The following POSTN variants were observed in gnomAD, a reference collection of about 807,000 sequenced individuals.
The protein encoded by POSTN is periostin.
Under a neutral mutation model 104.5 loss-of-function variants are expected in POSTN, and 71 were observed. The observed-to-expected ratio is 0.68, with a 90% CI of 0.56 to 0.83. POSTN has a LOEUF of 0.83. POSTN is among the 40% of genes least tolerant of loss of function. The pLI, the probability that POSTN is intolerant of heterozygous loss-of-function variation, is 0.00. For synonymous variants in POSTN, 355 were observed against 340.7 expected, an observed-to-expected ratio of 1.04 and a Z score of -0.46; for missense variants, 949 against 1,006.8, an observed-to-expected ratio of 0.94 and a Z score of 0.78.
intron 3 of POSTN, among the ~76,000 whole-genome samples, chr13:37,591,351 A>G (rs889229514): frequency 1.3e-5 from 2 of 152,192 alleles, no homozygotes; most frequent in Non-Finnish European, 2.9e-5. Flanking sequence ...TAATGATGTA[A>G]CATGGTTACC....
At position 37,580,577 on chromosome 13, in the gene POSTN, G is replaced by A; in HGVS notation, c.1513C>T (p.Gln505Ter). 1 of 1,614,042 alleles carries A rather than the reference G, an allele frequency of 6.2e-7. No homozygotes were observed. Among genetic ancestry groups the A allele is most frequent in the Non-Finnish European group, 8.5e-7 (1 of 1,179,992 alleles). Residue 505 changes from glutamine (Q) to a stop codon, truncating the protein, a stop_gained, in exon 11 of 23, where the codon CAA becomes TAA. Transcript: ENST00000379747. LOFTEE classifies it high-confidence loss of function. ...AEKSLHEKLK[Q>*]DKRFSTFLSL... is the part of the protein sequence containing the mutation. ...TAGGCTTACCTAAAGCGCTTATCTTGTTTTAACTTTTCATGGAGGGATTTC... is the reference window on the plus strand; with the variant it reads ...TAGGCTTACCTAAAGCGCTTATCTTATTTTAACTTTTCATGGAGGGATTTC...
At chr13:37,584,581 T>C (rs6563562) in intron 8 of POSTN, 135 bp downstream of exon 8, 57,773 of 717,342 alleles carry the variant, frequency 0.081, 3,473 homozygotes, top group African/African-American at 0.24. Context: ...TAGCTCACTA[T>C]TTATTGTGTT....
intron 18 of POSTN, 122 bp downstream of exon 18, chr13:37,571,247 C>T: frequency 1.5e-6 from 1 of 669,736 alleles, no homozygotes; most frequent in Non-Finnish European, 2.5e-6. Flanking sequence ...GGAAATAATT[C>T]CCACAATTTT....
rs1016087205 is a variant in POSTN at position 37,598,721 on chromosome 13, A to G, written c.6T>C (p.Ile2=). The G allele has an allele frequency of 1.2e-6, 2 of 1,612,870 alleles. No homozygotes were observed. The highest frequency in any genetic ancestry group is 1.7e-6 in the Non-Finnish European group (2 of 1,179,080). M[I]PFLPMFSLLL... ...GTAGAGAAAACATGGGTAAAAAGGGAATCATCTTGAGTCTCTCCGTTGCAG... is the reference window on the plus strand; with the variant it reads ...GTAGAGAAAACATGGGTAAAAAGGGGATCATCTTGAGTCTCTCCGTTGCAG... The change falls in exon 1 of 23, where the codon ATT becomes ATC. Residue 2 remains isoleucine, a synonymous_variant. Transcript: ENST00000379747.
intron 17 of POSTN, 57 bp downstream of exon 17, chr13:37,574,515 A>G (rs1950350519): frequency 6.6e-7 from 1 of 1,522,158 alleles, no homozygotes; most frequent in Non-Finnish European, 8.8e-7. Flanking sequence ...CATAGAGATC[A>G]GTATTTTTAC....
In POSTN at chr13:37,579,057, C is replaced by A. The variant is rs770780665; in HGVS notation, c.1856G>T (p.Gly619Val). Residue 619 changes from glycine to valine, a missense_variant, in exon 14 of 23, where the codon GGT (glycine) becomes GTT (valine). Gly to Val is a moderately radical substitution (Grantham distance 109, BLOSUM62 -3). Transcript: ENST00000379747. ...SKESDIMTTNGVIHVVDKLLY... is the reference protein window; with the variant it reads ...SKESDIMTTNVVIHVVDKLLY... ...GAGTTTATCTACAACATGAATTACA[C>A]CATTTGTTGTCATGATGTCAGATTC... The A allele has an allele frequency of 6.2e-7, 1 of 1,613,240 alleles. No homozygotes were observed. The highest frequency in any genetic ancestry group is 2.2e-5 in the East Asian group (1 of 44,732).
Position 37,579,460 on chromosome 13 carries a change from C to G in POSTN, c.1661-101G>C. ...AGTCTTTATCTTTTTCCATATTGTA[C>G]TTTCTCATAATATCATTATTCTCTC... On this transcript the variant is annotated intron_variant, in intron 12 of 22. Transcript: ENST00000379747. 3.1e-6 allele frequency: 3 copies of G among 980,914 alleles called. No individual in the cohort carries two copies. The South Asian group carries it at 4.8e-5, about 16-fold the overall frequency. 60.8% of individuals were successfully genotyped at this position (980,914 alleles called of 1,614,324 possible).
At chr13:37,571,788 A>G (rs1950268992) in intron 17 of POSTN, among the ~76,000 whole-genome samples, 1 of 151,726 alleles carries the variant, frequency 6.6e-6, no homozygotes, top group Admixed American at 6.6e-5. Flanking sequence ...ATCATGCAGT[A>G]TGTACACATT....
Position 37,563,280 on chromosome 13 carries a change from G to A in POSTN, c.*53C>T, listed in dbSNP as rs1052211146. On this transcript the variant is annotated 3_prime_UTR_variant, in exon 23 of 23. Coordinates refer to ENST00000379747, the MANE Select transcript of POSTN (RefSeq NM_006475.3). ...AACTTGGCTCTCACAATTTTCTAAG[G>A]TCAGGTTATTGACTTAGGGTTGTAT... 6 of 1,302,908 alleles carry A rather than the reference G, an allele frequency of 4.6e-6. No individual in the cohort carries two copies. Among genetic ancestry groups the A allele is most frequent in the Non-Finnish European group, 6.4e-6 (6 of 932,194 alleles). The allele number at this position is 1,302,908 out of a possible 1,614,324, so 80.7% of individuals were successfully genotyped here. A position where few individuals can be genotyped will look rare whatever the true frequency, so the allele number is the denominator to read the frequency against.
At chr13:37,570,968 T>C (rs1244630423) in intron 18 of POSTN, 8 of 316,458 alleles carry the variant, frequency 2.5e-5, no homozygotes, top group Non-Finnish European at 4.1e-5. Flanking sequence ...TTCTATATCA[T>C]TGGAATGGGA....
chr13:37,583,466 G>A (rs1393314484), intron 9 of POSTN, among the ~76,000 whole-genome samples: 1 of 144,810 alleles, frequency 6.9e-6, no homozygotes, highest in Non-Finnish European at 1.5e-5. Context: ...TTTTGAGACG[G>A]AGTCTCACTC....
At chr13:37,579,669 C>T (rs559717236) in intron 12 of POSTN, among the ~76,000 whole-genome samples, 192 bp downstream of exon 12, 1 of 152,268 alleles carries the variant, frequency 6.6e-6, no homozygotes, top group Non-Finnish European at 1.5e-5. Context: ...AACAACATAA[C>T]AGTTCACAGT....
At position 37,597,268 on chromosome 13, in the gene POSTN, G is replaced by A. The variant is rs1951112835; in HGVS notation, c.134C>T (p.Ala45Val). 3 of 1,582,980 alleles carry A rather than the reference G, an allele frequency of 1.9e-6. No individual in the cohort carries two copies. In the South Asian group the frequency reaches 3.5e-5, roughly 19 times the overall value. The change falls in exon 2 of 23, where the codon GCC becomes GTC. Residue 45 changes from alanine (A) to valine (V), a missense_variant. Ala to Val is a moderately conservative substitution (Grantham distance 64). Transcript: ENST00000379747. ...TTTGGTGCCCAAAATCTGTTGAAGG[G>A]CACAGACATTTGGGCTGGAGGATAG... ...RGRDQGPNVC[A>V]LQQILGTKKK...
Position 37,584,010 on chromosome 13 carries a change from C to T in POSTN, c.1202G>A (p.Gly401Glu), listed in dbSNP as rs1209529328. ...CACAGGTGCCAGCAAAGTGTATTCT[C>T]CATCTGGCCTCAGAGCAGATGCCAA... ...LGLASALRPD[G>E]EYTLLAPVNN... is the part of the protein sequence containing the mutation. The change falls in exon 9 of 23, where the codon GGA (glycine) becomes GAA (glutamate). Residue 401 changes from glycine to glutamate, a missense_variant. Physicochemically the swap from Gly to Glu is moderately conservative, Grantham distance 98. Coordinates refer to ENST00000379747, the MANE Select transcript of POSTN (RefSeq NM_006475.3). 1 of 1,613,816 alleles carries T rather than the reference C, an allele frequency of 6.2e-7. No homozygotes were observed. The highest frequency in any genetic ancestry group is 1.3e-5 in the African/African-American group (1 of 74,900).
At chr13:37,585,095 T>C (rs1295258007) in intron 7 of POSTN, among the ~76,000 whole-genome samples, 167 bp from the exon 8 acceptor site, 1 of 152,174 alleles carries the variant, frequency 6.6e-6, no homozygotes, top group Non-Finnish European at 1.5e-5. Flanking sequence ...TTTTTTCCTA[T>C]CAACTATAAA....
intron 15 of POSTN, 71 bp from the exon 16 acceptor site, chr13:37,577,869 T>C: frequency 1.9e-6 from 3 of 1,587,802 alleles, no homozygotes; most frequent in Admixed American, 3.5e-5. Context: ...GGCACCACTT[T>C]AATTCTTATT....
intron 2 of POSTN, 46 bp from the exon 3 acceptor site, chr13:37,592,210 G>T (rs1484154739): frequency 1.8e-6 from 2 of 1,110,064 alleles, no homozygotes; most frequent in Admixed American, 2.1e-5. Context: ...AACTAAATAG[G>T]ATACATTTTT....
intron 3 of POSTN, among the ~76,000 whole-genome samples, chr13:37,590,972 C>T (rs541011537): frequency 5.6e-4 from 85 of 152,226 alleles, no homozygotes; most frequent in Admixed American, 9.8e-4. Flanking sequence ...TTCTCCCGAA[C>T]GTCAGAAGAA....
intron 17 of POSTN, 74 bp downstream of exon 17, chr13:37,574,498 A>G: frequency 6.8e-7 from 1 of 1,464,262 alleles, no homozygotes; most frequent in South Asian, 1.4e-5. Context: ...AAGAATGTAG[A>G]TACATTCATA....
Sources: gnomAD v4.1 joint callset for allele counts (sites outside exome capture counted in the v4.1 genomes callset) on GRCh38, gnomAD v4.1.1 for gene constraint, MANE v1.5 for transcripts, NCBI Gene and HGNC (gene_info 2026-07-23, HGNC 2026-07-21) for gene names.